The following DDX10 variants were observed in gnomAD, a reference collection of about 807,000 sequenced individuals.
DDX10 encodes the protein DEAD-box helicase 10, also known as probable ATP-dependent RNA helicase DDX10.
In DDX10, 74 loss-of-function variants were observed where a neutral mutation model predicts 104.3. That is an observed-to-expected ratio of 0.71 (90% CI 0.59 to 0.86). The LOEUF (loss-of-function observed/expected upper bound fraction) is 0.86. DDX10 is among the 40% of genes least tolerant of loss of function. The probability of loss-of-function intolerance (pLI) is 0.00; values close to 1 mark genes in which losing one functional copy is unlikely to be tolerated. For synonymous variants in DDX10, 351 were observed against 353.4 expected (o/e 0.99, Z 0.08); for missense variants, 952 against 1,040.0 (o/e 0.92, Z 1.16).
chr11:108,740,043 T>C (rs2094323281), intron 13 of DDX10, among the ~76,000 whole-genome samples: 1 of 151,228 alleles, frequency 6.6e-6, no homozygotes, highest in Admixed American at 6.6e-5. Flanking sequence ...TATAGGTAAA[T>C]TGCATGTCAT....
chr11:108,691,386 A>G (rs188775410), intron 7 of DDX10, among the ~76,000 whole-genome samples: 3 of 152,360 alleles, frequency 2.0e-5, no homozygotes, highest in African/African-American at 4.8e-5. Flanking sequence ...TTATGGGTAC[A>G]AAAAGAGAAC....
chr11:108,782,821 G>T (rs1436614718), intron 13 of DDX10, among the ~76,000 whole-genome samples: 3 of 152,134 alleles, frequency 2.0e-5, no homozygotes, highest in South Asian at 4.1e-4. Context: ...AAGAAGGGTA[G>T]GAGGAAAGTC....
intron 16 of DDX10, among the ~76,000 whole-genome samples, chr11:108,915,088 A>G (rs1863729338): frequency 6.6e-6 from 1 of 152,186 alleles, no homozygotes; most frequent in African/African-American, 2.4e-5. Flanking sequence ...AAAAAGAGAC[A>G]TAAACATATT....
rs182370861 is a variant in DDX10 at position 108,787,043 on chromosome 11, A to C, written c.1966-51403A>C. Among the ~76,000 whole-genome samples the C allele has an allele frequency of 2.6e-5, 4 of 152,326 alleles. No individual in the cohort carries two copies. The East Asian group carries it at 5.8e-4, about 22-fold the overall frequency. On this transcript the variant is annotated intron_variant, in intron 13 of 17. Coordinates refer to ENST00000322536, the MANE Select transcript of DDX10 (RefSeq NM_004398.4). ...GACCTCTTGTAAGGCTGGTGTGGTA[A>C]TGAATTCCCTCACTGCTTACCTGTC...
rs7114472 is a variant in DDX10, at chr11:108,906,518, G to A, written c.2305-11355G>A. On this transcript the variant is annotated intron_variant, in intron 16 of 17. Transcript: ENST00000322536. ...ATGTCAGTGTTCAGATTACACTGATGAGGAAACAGAAGCTTCCTGAGTTCA... is the reference window on the plus strand; with the variant it reads ...ATGTCAGTGTTCAGATTACACTGATAAGGAAACAGAAGCTTCCTGAGTTCA... Among the ~76,000 whole-genome samples the A allele has an allele frequency of 7.9e-3, 1,198 of 152,294 alleles. 12 individuals are homozygous for A. Among genetic ancestry groups the A allele is most frequent in the African/African-American group, 0.026 (1,088 of 41,544 alleles).
chr11:108,759,457 GTGT>G (rs1413210597), intron 13 of DDX10, among the ~76,000 whole-genome samples: 1 of 151,930 alleles, frequency 6.6e-6, no homozygotes, highest in Non-Finnish European at 1.5e-5. Flanking sequence ...AGCTCCAGGG[GTGT>G]TGTTTGGTAT....
intron 13 of DDX10, among the ~76,000 whole-genome samples, chr11:108,767,112 C>A (rs2094357338): frequency 6.6e-6 from 1 of 152,140 alleles, no homozygotes; most frequent in Admixed American, 6.6e-5. Flanking sequence ...TGGACCTCAT[C>A]ATACATATCG....
intron 13 of DDX10, among the ~76,000 whole-genome samples, chr11:108,769,993 A>G (rs2094360980): frequency 6.6e-6 from 1 of 152,272 alleles, no homozygotes; most frequent in African/African-American, 2.4e-5. Context: ...TCTCTTTAAC[A>G]TCTGGCTGAA....
chr11:108,674,150 C>T lies in DDX10; in HGVS notation c.247+623C>T, dbSNP rs757194610. On this transcript the variant is annotated intron_variant, in intron 2 of 17. Coordinates refer to ENST00000322536, the MANE Select transcript of DDX10 (RefSeq NM_004398.4). ...CAGCCTGGCCAACATGGTGAAACCC[C>T]GTCTCTACTAAAAATACAAAAATTA... 6.6e-5 allele frequency among the ~76,000 whole-genome samples: 10 copies of T among 152,052 alleles called. No homozygotes were observed. In the South Asian group the frequency reaches 1.5e-3, roughly 22 times the overall value.
intron 13 of DDX10, among the ~76,000 whole-genome samples, chr11:108,737,408 A>C (rs1406185324): frequency 2.0e-5 from 3 of 152,164 alleles, no homozygotes; most frequent in Non-Finnish European, 4.4e-5. Flanking sequence ...GAGGTGACAG[A>C]CGGTCTTGAT....
intron 16 of DDX10, among the ~76,000 whole-genome samples, chr11:108,867,797 A>T (rs1487046371): frequency 6.6e-6 from 1 of 152,156 alleles, no homozygotes; most frequent in Admixed American, 6.5e-5. Context: ...TATTAACAAA[A>T]CAGATATCAT....
chr11:108,728,468 T>C (rs1431639708), intron 13 of DDX10, among the ~76,000 whole-genome samples: 1 of 151,140 alleles, frequency 6.6e-6, no homozygotes, highest in Non-Finnish European at 1.5e-5. Flanking sequence ...AGATAACAAC[T>C]GTCTTTGTTT....
In DDX10 at chr11:108,932,001, C is replaced by T. The variant is rs567666129; in HGVS notation, c.2451-8245C>T. Reference sequence around the variant, plus strand: ...GTCTGGTTTTTGGTTTTGTTTATTTCGCACAGTGCTTGTTTTATATGTCAG... The same window carrying T: ...GTCTGGTTTTTGGTTTTGTTTATTTTGCACAGTGCTTGTTTTATATGTCAG... On this transcript the variant is annotated intron_variant, in intron 17 of 17. Transcript: ENST00000322536. 1.4e-4 allele frequency among the ~76,000 whole-genome samples: 22 copies of T among 152,004 alleles called. No individual in the cohort carries two copies. In the East Asian group the frequency reaches 3.5e-3, roughly 24 times the overall value.
intron 16 of DDX10, among the ~76,000 whole-genome samples, chr11:108,885,904 A>G (rs1056405134): frequency 6.6e-6 from 1 of 152,202 alleles, no homozygotes; most frequent in African/African-American, 2.4e-5. Flanking sequence ...TGAGGTAGAA[A>G]ATCTTCTATT....
intron 17 of DDX10, among the ~76,000 whole-genome samples, chr11:108,933,155 T>G (rs115076291): frequency 0.011 from 1,646 of 151,954 alleles, 58 homozygotes; most frequent in African/African-American, 0.038. Context: ...TTACAGAGAT[T>G]TACAGGGAGG....
intron 15 of DDX10, among the ~76,000 whole-genome samples, chr11:108,843,251 T>C (rs1862665149): frequency 6.6e-6 from 1 of 151,942 alleles, no homozygotes; most frequent in Admixed American, 6.6e-5. Flanking sequence ...AAAGGCAATA[T>C]AGCAAGATTC....
intron 17 of DDX10, 47 bp downstream of exon 17, chr11:108,918,065 T>A: frequency 1.9e-6 from 3 of 1,572,698 alleles, no homozygotes; most frequent in South Asian, 1.1e-5. Context: ...TACTCTCACA[T>A]CAGTCTTTTA....
intron 16 of DDX10, among the ~76,000 whole-genome samples, chr11:108,884,502 T>A (rs1007327118): frequency 6.6e-6 from 1 of 152,204 alleles, no homozygotes; most frequent in Non-Finnish European, 1.5e-5. Context: ...CTAATTAATA[T>A]TTTTCCAGCC....
At chr11:108,856,974 T>C (rs1344282428) in intron 16 of DDX10, among the ~76,000 whole-genome samples, 1 of 152,176 alleles carries the variant, frequency 6.6e-6, no homozygotes, top group Admixed American at 6.5e-5. Flanking sequence ...GGGAATATTT[T>C]ATTTGAAATA....
Sources: gnomAD v4.1 joint callset for allele counts (sites outside exome capture counted in the v4.1 genomes callset) on GRCh38, gnomAD v4.1.1 for gene constraint, MANE v1.5 for transcripts, NCBI Gene and HGNC (gene_info 2026-07-23, HGNC 2026-07-21) for gene names.